MPZ: variants seen among roughly 807,000 people sequenced by gnomAD.
The protein encoded by MPZ is myelin protein zero.
Under a neutral mutation model 27.9 loss-of-function variants are expected in MPZ, and 13 were observed. The ratio of observed to expected loss-of-function variants is 0.47; its 90% CI spans 0.30 to 0.74. The LOEUF is 0.74. Ranked by LOEUF, MPZ falls within the 30% of genes least tolerant of loss-of-function variation. The probability of loss-of-function intolerance (pLI) is 0.06; values close to 1 mark genes in which losing one functional copy is unlikely to be tolerated. For missense variants in MPZ, 256 were observed against 317.5 expected, an observed-to-expected ratio of 0.81 and a Z score of 1.47; for synonymous variants, 118 against 128.9, an observed-to-expected ratio of 0.92 and a Z score of 0.57.
chr1:161,306,207 G>C, intron 4 of MPZ, 39 bp from the exon 5 acceptor site: 1 of 1,613,016 alleles, frequency 6.2e-7, no homozygotes, highest in South Asian at 1.1e-5. Context: ...GGCCTCGCCG[G>C]AACCCCTTGC....
Position 161,306,136 on chromosome 1 carries a change from C to A in MPZ, c.617G>T (p.Gly206Val). ...CCGCCCGCGCTTCGACGCGTCCTTT[C>A]CTGGCTTGTGCAATTTCCCCTTCTC... Reference protein sequence around the residue: ...AMEKGKLHKPGKDASKRGRQT... With the variant: ...AMEKGKLHKPVKDASKRGRQT... Residue 206 changes from glycine to valine, a missense_variant, in exon 5 of 6, where the codon GGA becomes GTA. Physicochemically the swap from Gly to Val is moderately radical, Grantham distance 109 (BLOSUM62 -3). Around this residue, in one of 2 missense-constraint regions of MPZ, gnomAD observed 101 missense variants for 93.6 expected, o/e 1.08. Transcript: ENST00000533357. 1 of 1,614,234 alleles carries A rather than the reference C, an allele frequency of 6.2e-7. No homozygotes were observed. The highest frequency in any genetic ancestry group is 8.5e-7 in the Non-Finnish European group (1 of 1,180,052).
At chr1:161,309,447 C>T (rs1177412901) in intron 1 of MPZ, among the ~76,000 whole-genome samples, 1 of 151,524 alleles carries the variant, frequency 6.6e-6, no homozygotes, top group Admixed American at 6.6e-5. Context: ...ATGGCCACCA[C>T]TCAGGGAAGC....
rs761291277 is a variant in MPZ, at chr1:161,306,335, C to T, written c.578G>A (p.Arg193Lys). The T allele has an allele frequency of 1.2e-6, 2 of 1,614,204 alleles. No individual in the cohort carries two copies. Among genetic ancestry groups the T allele is most frequent in the African/African-American group, 1.3e-5 (1 of 75,064 alleles). Residue 193 changes from arginine to lysine, a missense_variant, in exon 4 of 6, where the codon AGG (arginine) becomes AAG (lysine). Physicochemically the swap from Arg to Lys is conservative, Grantham distance 26. Coordinates refer to ENST00000533357, the MANE Select transcript of MPZ (RefSeq NM_000530.8). ...WLRRQAALQR[R>K]LSAMEKGKLH... is the part of the protein sequence containing the mutation. ...GCTAGGCTCCGCCCCTTACCTGAGC[C>T]TCCTCTGCAGGGCCGCCTGCCTGCG...
At chr1:161,307,193 A>G in intron 2 of MPZ, 65 bp downstream of exon 2, 2 of 1,602,456 alleles carry the variant, frequency 1.2e-6, no homozygotes, top group Non-Finnish European at 1.7e-6. Context: ...AGCCCAAGTT[A>G]TCTTTTTTGT....
intron 1 of MPZ, among the ~76,000 whole-genome samples, chr1:161,309,438 T>C (rs185256332): frequency 6.6e-6 from 1 of 151,910 alleles, no homozygotes; most frequent in African/African-American, 2.4e-5. Context: ...GGTCCAGCCA[T>C]GGCCACCACT....
intron 1 of MPZ, among the ~76,000 whole-genome samples, chr1:161,308,220 G>T (rs1456435777): frequency 6.6e-6 from 1 of 152,114 alleles, no homozygotes; most frequent in Non-Finnish European, 1.5e-5. Flanking sequence ...TGAATCCCTG[G>T]TTGCCATACA....
At chr1:161,309,601 G>T (rs1670353895) in intron 1 of MPZ, among the ~76,000 whole-genome samples, 1 of 132,942 alleles carries the variant, frequency 7.5e-6, no homozygotes, top group African/African-American at 2.9e-5. Flanking sequence ...ATGTTGTCCA[G>T]GCTGGTCTCC....
At chr1:161,308,956 C>T (rs1670326339) in intron 1 of MPZ, among the ~76,000 whole-genome samples, 1 of 152,180 alleles carries the variant, frequency 6.6e-6, no homozygotes, top group Non-Finnish European at 1.5e-5. Flanking sequence ...AGCCCCCTTT[C>T]CCTTGATGTC....
rs1670360603 is a variant in MPZ, at chr1:161,309,874, C to T, written c.32G>A (p.Ser11Asn). MAPGAPSSSP[S>N]PILAVLLFSS... ...GAAGAGCAGCACAGCCAGGATAGGG[C>T]TGGGGCTGGATGAGGGAGCCCCAGG... Residue 11 changes from serine to asparagine, a missense_variant, in exon 1 of 6, where the codon AGC becomes AAC. Physicochemically the swap from Ser to Asn is conservative, Grantham distance 46. Coordinates refer to ENST00000533357, the MANE Select transcript of MPZ (RefSeq NM_000530.8). 1 of 1,589,290 alleles carries T rather than the reference C, an allele frequency of 6.3e-7. No homozygotes were observed. Among genetic ancestry groups the T allele is most frequent in the East Asian group, 2.3e-5 (1 of 44,154 alleles).
intron 1 of MPZ, among the ~76,000 whole-genome samples, chr1:161,309,472 T>G (rs1571822271): frequency 1.3e-5 from 2 of 151,008 alleles, no homozygotes; most frequent in Middle Eastern, 3.4e-3. Context: ...TACACTCTCT[T>G]TTACCCTTTC....
intron 1 of MPZ, among the ~76,000 whole-genome samples, chr1:161,309,552 A>ATTTTTTTTTTTTTTTT (rs1215409194): frequency 1.7e-4 from 14 of 80,632 alleles, no homozygotes; most frequent in African/African-American, 3.5e-4. Context: ...ATATATATAT[A>ATTTTTTTTTTTTTTTT]TTTTTTTTTT....
In MPZ at chr1:161,306,743, T is replaced by C; in HGVS notation, c.413A>G (p.Lys138Arg). Residue 138 changes from lysine to arginine, a missense_variant, in exon 3 of 6, where the codon AAG becomes AGG. Coordinates refer to ENST00000533357, the MANE Select transcript of MPZ (RefSeq NM_000530.8). Reference protein sequence around the residue: ...DVKNPPDIVGKTSQVTLYVFE... With the variant: ...DVKNPPDIVGRTSQVTLYVFE... ...GACATACAGCGTGACCTGAGAGGTC[T>C]TGCCCACTATGTCTGGAGGGTTTTT... The C allele has an allele frequency of 3.1e-6, 5 of 1,614,122 alleles. No homozygotes were observed. The highest frequency in any genetic ancestry group is 2.7e-5 in the African/African-American group (2 of 75,012).
chr1:161,306,492 G>C, intron 3 of MPZ, 28 bp from the exon 4 acceptor site: 1 of 1,614,144 alleles, frequency 6.2e-7, no homozygotes, highest in Non-Finnish European at 8.5e-7. Flanking sequence ...AGAAGTGGGA[G>C]AATGAGCAGG....
At chr1:161,309,194 G>A (rs1670332902) in intron 1 of MPZ, among the ~76,000 whole-genome samples, 1 of 152,194 alleles carries the variant, frequency 6.6e-6, no homozygotes, top group South Asian at 2.1e-4. Context: ...CAACAGGTGA[G>A]GAGCCATAGA....
In MPZ at chr1:161,304,988, C is replaced by G. The variant is rs1221577813; in HGVS notation, c.*888G>C. On this transcript the variant is annotated 3_prime_UTR_variant, in exon 6 of 6. Coordinates refer to ENST00000533357, the MANE Select transcript of MPZ (RefSeq NM_000530.8). ...CATTCTCTCTCTCTGTCTCTCTCCT[C>G]AAGACCTGGAGTCCCAGAACAGTGC... The G allele has an allele frequency of 2.6e-5, 4 of 152,510 alleles. No individual in the cohort carries two copies. Among genetic ancestry groups the G allele is most frequent in the African/African-American group, 9.7e-5 (4 of 41,314 alleles). The allele number at this position is 152,510 out of a possible 1,614,324, so 9.4% of individuals were successfully genotyped here.
In MPZ at chr1:161,309,913, G is replaced by A. The variant is rs1390420698; in HGVS notation, c.-8C>T. The A allele has an allele frequency of 6.3e-7, 1 of 1,580,868 alleles. No homozygotes were observed. The highest frequency in any genetic ancestry group is 1.2e-5 in the South Asian group (1 of 86,228). ...GGGAGCCCCAGGAGCCATAGCTGGG[G>A]CAGGGGCAGGGGCCCGGAGCATCTG... On this transcript the variant is annotated 5_prime_UTR_variant, in exon 1 of 6. Transcript: ENST00000533357.
At chr1:161,304,040 T>C (rs1370808316), downstream of MPZ, among the ~76,000 whole-genome samples, 1 of 152,184 alleles carries the variant, frequency 6.6e-6, no homozygotes, top group Admixed American at 6.5e-5. Context: ...TATATGTTTT[T>C]CCACAATCAG....
At chr1:161,306,957 T>G (rs1410778904) in intron 2 of MPZ, 36 bp from the exon 3 acceptor site, 9 of 1,229,150 alleles carry the variant, frequency 7.3e-6, no homozygotes, top group Non-Finnish European at 1.0e-5. Flanking sequence ...GAGAGGACCC[T>G]AATGAGAACA....
Position 161,306,184 on chromosome 1 carries a change from C to G in MPZ, c.585-16G>C. On this transcript the variant is annotated splice_polypyrimidine_tract_variant and intron_variant, in intron 4 of 5. Transcript: ENST00000533357. The stretch of plus-strand genomic sequence containing the variant: ...CTCCATAGCACTGCAAGAAGAGAGA[C>G]TGCTGTACGTTTGGCCTCGCCGGAA... 6.2e-7 allele frequency: 1 copy of G among 1,614,166 alleles called. No homozygotes were observed. The highest frequency in any genetic ancestry group is 8.5e-7 in the Non-Finnish European group (1 of 1,179,996).
Sources: allele counts gnomAD v4.1 joint callset (sites outside exome capture counted in the v4.1 genomes callset), GRCh38; gene constraint gnomAD v4.1.1; regional missense constraint gnomAD v4.1.1; transcripts MANE v1.5; gene names NCBI Gene and HGNC (gene_info 2026-07-23, HGNC 2026-07-21).